The following TMEM232 variants were observed in gnomAD, a reference collection of about 807,000 sequenced individuals.
TMEM232 encodes the protein transmembrane protein 232.
A neutral mutation model predicts 78.8 loss-of-function variants in TMEM232; 80 were observed. That is an observed-to-expected ratio of 1.01 (90% CI 0.85 to 1.22). TMEM232 has a LOEUF of 1.22. TMEM232 is among the 50% of genes most tolerant of loss of function. TMEM232 has a pLI of 0.00. For synonymous variants in TMEM232, 297 were observed against 254.3 expected (o/e 1.17, Z -1.60); for missense variants, 881 against 742.2 (o/e 1.19, Z -2.17).
At chr5:110,617,299 C>G (rs1486990353) in intron 8 of TMEM232, among the ~76,000 whole-genome samples, 1 of 152,058 alleles carries the variant, frequency 6.6e-6, no homozygotes, top group African/African-American at 2.4e-5. Context: ...AGAGGAGATG[C>G]CAGTCAAAGA....
chr5:110,434,020 T>C (rs1580663041), intron 12 of TMEM232, among the ~76,000 whole-genome samples: 1 of 152,012 alleles, frequency 6.6e-6, no homozygotes, highest in South Asian at 2.1e-4. Context: ...GTATCTTTCC[T>C]CCTTGATTTT....
Position 110,541,410 on chromosome 5 carries a change from G to A in TMEM232, c.1456-12575C>T, listed in dbSNP as rs373767739. Among the ~76,000 whole-genome samples the A allele has an allele frequency of 1.2e-3, 187 of 152,240 alleles. 3 individuals carry two copies. In the South Asian group the frequency reaches 0.038, roughly 31 times the overall value. On this transcript the variant is annotated intron_variant, in intron 11 of 13. Coordinates refer to ENST00000455884, the MANE Select transcript of TMEM232 (RefSeq NM_001039763.4). ...GCTAATAGATAACTTTACTGGTTGG[G>A]TCAAAGTTTACTCTAACAGAACAGA...
At chr5:110,698,668 G>A in intron 1 of TMEM232, among the ~76,000 whole-genome samples, 1 of 152,002 alleles carries the variant, frequency 6.6e-6, no homozygotes, top group Admixed American at 6.6e-5. Flanking sequence ...TCTTTTGCTA[G>A]AGGTCTAAAT....
At chr5:110,395,945 G>T (rs1408980358) in intron 3 of TMEM232, among the ~76,000 whole-genome samples, 1 of 152,080 alleles carries the variant, frequency 6.6e-6, no homozygotes, top group Non-Finnish European at 1.5e-5. Flanking sequence ...GGGAAAAGAG[G>T]CCACATCTGA....
intron 2 of TMEM232, among the ~76,000 whole-genome samples, chr5:110,652,615 C>A (rs1788495729): frequency 6.6e-6 from 1 of 152,226 alleles, no homozygotes; most frequent in Admixed American, 6.5e-5. Flanking sequence ...TTTAATTGGT[C>A]TCCTACAGAT....
In TMEM232 at chr5:110,482,679, G is replaced by C. The variant is rs114738412; in HGVS notation, c.1703+45909C>G. On this transcript the variant is annotated intron_variant, in intron 12 of 13. Transcript: ENST00000455884. ...GCAAATGAATTTAGCATAAAGTTTA[G>C]AAGTAGATTTCTGCAACTAAACCCG... Among the ~76,000 whole-genome samples, 629 of 151,418 alleles carry C rather than the reference G, an allele frequency of 4.2e-3. 3 individuals carry two copies. The highest frequency in any genetic ancestry group is 0.01 in the Middle Eastern group (3 of 292).
intron 3 of TMEM232, among the ~76,000 whole-genome samples, chr5:110,397,456 T>C (rs1372600269): frequency 6.6e-6 from 1 of 152,158 alleles, no homozygotes; most frequent in Non-Finnish European, 1.5e-5. Context: ...TTAGAACTTG[T>C]ATGCCCTCCT....
At chr5:110,660,108 A>G (rs1362501060) in intron 2 of TMEM232, among the ~76,000 whole-genome samples, 1 of 152,136 alleles carries the variant, frequency 6.6e-6, no homozygotes, top group Non-Finnish European at 1.5e-5. Context: ...TTTTAAAATT[A>G]TATTCTGACA....
chr5:110,728,287 G>T (rs888196880), upstream of TMEM232, among the ~76,000 whole-genome samples: 8 of 151,482 alleles, frequency 5.3e-5, no homozygotes, highest in Non-Finnish European at 1.0e-4. Flanking sequence ...TGTATCTACT[G>T]ATTTTATTTA....
At position 110,410,512 on chromosome 5, in the gene TMEM232, A is replaced by G. The variant is rs564811062; in HGVS notation, n.309-12658T>C. Among the ~76,000 whole-genome samples the G allele has an allele frequency of 2.0e-5, 3 of 152,310 alleles. 1 individual carries two copies. The South Asian group carries it at 6.2e-4, about 32-fold the overall frequency. ...CTGATATAATATTTTTTCCTAAGCC[A>G]CACTCAATTGGATGGCAGAACATAC... On this transcript the variant is annotated intron_variant and non_coding_transcript_variant, in intron 2 of 8. Transcript: ENST00000507188.
intron 2 of TMEM232, among the ~76,000 whole-genome samples, chr5:110,650,967 T>C (rs1326751000): frequency 2.0e-5 from 3 of 152,090 alleles, no homozygotes; most frequent in African/African-American, 4.8e-5. Context: ...AAACAATAAA[T>C]GTATTTTACA....
chr5:110,524,759 T>C (rs554378368), intron 12 of TMEM232, among the ~76,000 whole-genome samples: 1 of 152,200 alleles, frequency 6.6e-6, no homozygotes, highest in African/African-American at 2.4e-5. Flanking sequence ...ATATCTTCTA[T>C]TATTTTGTAT....
chr5:110,517,917 C>T (rs1463432988), intron 12 of TMEM232, among the ~76,000 whole-genome samples: 1 of 152,166 alleles, frequency 6.6e-6, no homozygotes, highest in Non-Finnish European at 1.5e-5. Context: ...CCACCTGCTC[C>T]TTTTTTGTCT....
At chr5:110,550,612 T>A (rs1350472781) in intron 11 of TMEM232, among the ~76,000 whole-genome samples, 2 of 151,876 alleles carry the variant, frequency 1.3e-5, no homozygotes, top group East Asian at 1.9e-4. Flanking sequence ...TGTAAGCATA[T>A]GATATATATT....
chr5:110,426,560 G>A (rs941224964), intron 12 of TMEM232, among the ~76,000 whole-genome samples: 1 of 152,038 alleles, frequency 6.6e-6, no homozygotes, highest in African/African-American at 2.4e-5. Context: ...GAGACATGTT[G>A]AGAGTAGAGT....
At chr5:110,683,425 TAG>T (rs1315478114) in intron 1 of TMEM232, among the ~76,000 whole-genome samples, 1 of 151,328 alleles carries the variant, frequency 6.6e-6, no homozygotes, top group Admixed American at 6.6e-5. Context: ...AATATATATA[TAG>T]AGAGAGAGTA....
At chr5:110,602,865 A>G (rs1388424358) in intron 10 of TMEM232, among the ~76,000 whole-genome samples, 1 of 152,188 alleles carries the variant, frequency 6.6e-6, no homozygotes, top group Non-Finnish European at 1.5e-5. Flanking sequence ...AGCACTATTC[A>G]CAATAGCGAA....
At chr5:110,717,708 T>C (rs572956970) in intron 1 of TMEM232, among the ~76,000 whole-genome samples, 1 of 152,244 alleles carries the variant, frequency 6.6e-6, no homozygotes, top group South Asian at 2.1e-4. Flanking sequence ...GTTTCTTCCA[T>C]GCTGTTCTCA....
chr5:110,398,114 ATC>A (rs1415611946), intron 2 of TMEM232, among the ~76,000 whole-genome samples: 1 of 152,080 alleles, frequency 6.6e-6, no homozygotes, highest in African/African-American at 2.4e-5. Context: ...CAATATCATC[ATC>A]TCTCCCTTTT....
Sources: gnomAD v4.1 joint callset for allele counts (sites outside exome capture counted in the v4.1 genomes callset) on GRCh38, gnomAD v4.1.1 for gene constraint, MANE v1.5 for transcripts, NCBI Gene and HGNC (gene_info 2026-07-23, HGNC 2026-07-21) for gene names.